KMT2B: variants seen among roughly 807,000 people sequenced by gnomAD.
The protein encoded by KMT2B is histone-lysine N-methyltransferase 2B.
A neutral mutation model predicts 255.3 loss-of-function variants in KMT2B; 22 were observed. The observed-to-expected ratio is 0.09, with a 90% CI of 0.06 to 0.12. KMT2B has a LOEUF of 0.12. Ranked by LOEUF, KMT2B falls within the 10% of genes least tolerant of loss-of-function variation. KMT2B has a pLI of 1.00. For synonymous variants in KMT2B, 1,730 were observed against 1,498.1 expected (o/e 1.15, Z -3.57); for missense variants, 3,149 against 3,737.0 (o/e 0.84, Z 4.10).
At chr19:35,736,873 C>T in intron 31 of KMT2B, 39 bp from the exon 32 acceptor site, 3 of 1,613,892 alleles carry the variant, frequency 1.9e-6, no homozygotes, top group Non-Finnish European at 2.5e-6. Context: ...GTCCATAAAA[C>T]ACCATCCTGA....
At position 35,733,269 on chromosome 19, in the gene KMT2B, C is replaced by T. The variant is rs923176238; in HGVS notation, c.6720C>T (p.Leu2240=). ...TSWTLPPGPL[L]GVLPVVGVVR... is the part of the protein sequence containing the mutation. ...GGACTCTGCCCCCAGGCCCCCTCCT[C>T]GGCGTGCTGCCCGTGGTCGGAGTGG... is the stretch of plus-strand genomic sequence containing the variant. The change falls in exon 28 of 37, where the codon CTC becomes CTT. Residue 2240 remains leucine (L), a synonymous_variant. Transcript: ENST00000420124. This position sits in a 1 kb window ranked among gnomAD's most constrained non-coding sequence, Gnocchi z 4.3. The T allele has an allele frequency of 2.3e-5, 34 of 1,477,190 alleles. No individual in the cohort carries two copies. The highest frequency in any genetic ancestry group is 2.0e-4 in the Middle Eastern group (1 of 5,120). 91.5% of individuals were successfully genotyped at this position (1,477,190 alleles called of 1,614,324 possible).
chr19:35,727,039 G>T lies in KMT2B; in HGVS notation c.4004-117G>T, dbSNP rs2146454397. 1 of 646,224 alleles carries T rather than the reference G, an allele frequency of 1.5e-6. No homozygotes were observed. The allele number at this position is 646,224 out of a possible 1,614,324, so 40.0% of individuals were successfully genotyped here. ...TCAAGGAGCTTTTAGGGACTAGTAG[G>T]GGCCCAAAACAGGGGCATAGTGGAG... On this transcript the variant is annotated intron_variant, in intron 14 of 36. Coordinates refer to ENST00000420124, the MANE Select transcript of KMT2B (RefSeq NM_014727.3). The surrounding 1 kb of genome is among the most constrained non-coding windows in gnomAD (Gnocchi z 4.2).
In KMT2B at chr19:35,727,449, G is replaced by C; in HGVS notation, c.4129G>C (p.Glu1377Gln). 1 of 1,613,228 alleles carries C rather than the reference G, an allele frequency of 6.2e-7. No individual in the cohort carries two copies. The highest frequency in any genetic ancestry group is 2.2e-5 in the East Asian group (1 of 44,866). The stretch of plus-strand genomic sequence containing the variant: ...CTTGGCTATCCTAGATGAAGACTAC[G>C]AGATCCTTTCAGGACTGCCAGACTC... Reference protein sequence around the residue: ...KCEGLSDEDYEILSGLPDSVL... With the variant: ...KCEGLSDEDYQILSGLPDSVL... The change falls in exon 16 of 37, where the codon GAG becomes CAG. Residue 1377 changes from glutamate (E) to glutamine (Q), a missense_variant. This residue lies in a region of KMT2B where 377 missense variants were observed against 471.0 expected (regional missense o/e 0.80). Transcript: ENST00000420124. This position sits in a 1 kb window ranked among gnomAD's most constrained non-coding sequence, Gnocchi z 4.2.
intron 30 of KMT2B, among the ~76,000 whole-genome samples, 194 bp downstream of exon 30, chr19:35,734,066 C>T (rs867658029): frequency 9.9e-5 from 15 of 152,106 alleles, no homozygotes; most frequent in African/African-American, 2.4e-4. Flanking sequence ...AATGACATTT[C>T]GCCTCTACGT....
At chr19:35,724,419 G>T (rs948264240) in intron 8 of KMT2B, among the ~76,000 whole-genome samples, 1 of 152,188 alleles carries the variant, frequency 6.6e-6, no homozygotes, top group Non-Finnish European at 1.5e-5. Context: ...GATCGTCTGA[G>T]CCTGGGAGTT....
At chr19:35,719,146 G>A (rs1969080958) in intron 1 of KMT2B, among the ~76,000 whole-genome samples, 1 of 152,130 alleles carries the variant, frequency 6.6e-6, no homozygotes, top group Non-Finnish European at 1.5e-5. Context: ...GGTCTGAATT[G>A]GACTCTGAAG....
intron 14 of KMT2B, 48 bp downstream of exon 14, chr19:35,726,401 G>A (rs762601466): frequency 1.6e-6 from 2 of 1,283,940 alleles, no homozygotes; most frequent in Non-Finnish European, 1.1e-6. Flanking sequence ...CAGGGGAATG[G>A]CCAGGCTCTT....
At chr19:35,736,189 T>A (rs1472085598) in intron 30 of KMT2B, 1 of 154,846 alleles carries the variant, frequency 6.5e-6, no homozygotes, top group Non-Finnish European at 1.4e-5. Flanking sequence ...AGGCACAGGT[T>A]GCAGTGAGCC....
intron 30 of KMT2B, among the ~76,000 whole-genome samples, chr19:35,734,380 G>C (rs231590): frequency 7.2e-5 from 11 of 152,170 alleles, no homozygotes; most frequent in Non-Finnish European, 1.5e-4. Context: ...AGGGTGGGGC[G>C]TTGTGTCCAA....
chr19:35,733,306 C>A lies in KMT2B; in HGVS notation c.6757C>A (p.Pro2253Thr). The A allele has an allele frequency of 7.0e-7, 1 of 1,422,632 alleles. No homozygotes were observed. Among genetic ancestry groups the A allele is most frequent in the African/African-American group, 1.4e-5 (1 of 70,294 alleles). The allele number at this position is 1,422,632 out of a possible 1,614,324, so 88.1% of individuals were successfully genotyped here. A position where few individuals can be genotyped will look rare whatever the true frequency, so the allele number is the denominator to read the frequency against. ...CGTGGTCGGAGTGGTCCGCCCTGCCCCGCCCCCGCCACCCCCTCCCCTGAC... is the reference window on the plus strand; with the variant it reads ...CGTGGTCGGAGTGGTCCGCCCTGCCACGCCCCCGCCACCCCCTCCCCTGAC... ...LPVVGVVRPA[P>T]PPPPPPLTLV... Residue 2253 changes from proline to threonine, a missense_variant, in exon 28 of 37, where the codon CCG becomes ACG. Transcript: ENST00000420124. This position sits in a 1 kb window ranked among gnomAD's most constrained non-coding sequence, Gnocchi z 4.3.
At position 35,733,512 on chromosome 19, in the gene KMT2B, A is replaced by AGTGCGGGTGC; in HGVS notation, c.6959+5_6959+14dup. 1 of 1,552,666 alleles carries AGTGCGGGTGC rather than the reference A, an allele frequency of 6.4e-7. No individual in the cohort carries two copies. Among genetic ancestry groups the AGTGCGGGTGC allele is most frequent in the Non-Finnish European group, 8.7e-7 (1 of 1,148,434 alleles). On this transcript the variant is annotated splice_donor_region_variant and intron_variant, in intron 28 of 36. Coordinates refer to ENST00000420124, the MANE Select transcript of KMT2B (RefSeq NM_014727.3). The surrounding 1 kb of genome is among the most constrained non-coding windows in gnomAD (Gnocchi z 4.3). ...TTCCAGGGCTTGGCAGTGGCGGGTG[A>AGTGCGGGTGC]GTGCGGGTGCTGAGGCTGGCAGAGC...
At chr19:35,729,881 A>G (rs1969623663) in intron 22 of KMT2B, 86 bp from the exon 23 acceptor site, 5 of 1,364,752 alleles carry the variant, frequency 3.7e-6, no homozygotes, top group Non-Finnish European at 4.0e-6. Context: ...CAGGCTAGAC[A>G]GGGACCCATG....
Position 35,718,440 on chromosome 19 carries a change from G to A in KMT2B, c.363+59G>A, listed in dbSNP as rs1435008969. 74 of 1,218,452 alleles carry A rather than the reference G, an allele frequency of 6.1e-5. No individual in the cohort carries two copies. The highest frequency in any genetic ancestry group is 7.1e-5 in the Non-Finnish European group (69 of 970,446). The allele number at this position is 1,218,452 out of a possible 1,614,324, so 75.5% of individuals were successfully genotyped here. ...GGGGCGGAGGCCGGGGCTTCCAGGG[G>A]TCTGGGTTGTCCCGGGGGCGGCGTG... On this transcript the variant is annotated intron_variant, in intron 1 of 36. Coordinates refer to ENST00000420124, the MANE Select transcript of KMT2B (RefSeq NM_014727.3). This position sits in a 1 kb window ranked among gnomAD's most constrained non-coding sequence, Gnocchi z 5.0.
rs200835025 is a variant in KMT2B, at chr19:35,720,216, G to A, written c.869G>A (p.Arg290His). The change falls in exon 3 of 37, where the codon CGT becomes CAT. Residue 290 changes from arginine to histidine, a missense_variant. This residue lies in a region of KMT2B where 1,188 missense variants were observed against 1,106.4 expected (regional missense o/e 1.07). Coordinates refer to ENST00000420124, the MANE Select transcript of KMT2B (RefSeq NM_014727.3). The part of the protein sequence containing the change: ...RRGGQSSRGG[R>H]GGRGRGRGGG... ...GGAGGACAGTCAAGCCGTGGAGGCC[G>A]TGGAGGCAGGGGCCGCGGCCGAGGT... 2.1e-4 allele frequency: 340 copies of A among 1,610,592 alleles called. 3 individuals carry two copies. In the East Asian group the frequency reaches 6.9e-3, roughly 33 times the overall value.
chr19:35,722,095 C>T (rs1969240701), intron 3 of KMT2B, among the ~76,000 whole-genome samples: 1 of 151,822 alleles, frequency 6.6e-6, no homozygotes, highest in Non-Finnish European at 1.5e-5. Context: ...GCCTTTGCCT[C>T]CCGGGTTCAA....
intron 22 of KMT2B, 52 bp downstream of exon 22, chr19:35,729,348 C>T (rs1215061471): frequency 3.9e-6 from 6 of 1,547,542 alleles, no homozygotes; most frequent in Non-Finnish European, 5.2e-6. Flanking sequence ...TTGGGGAGGC[C>T]TCCTCCGGTG....
In KMT2B at chr19:35,719,451, C is replaced by T. The variant is rs772084249; in HGVS notation, c.364-18C>T. On this transcript the variant is annotated intron_variant, in intron 1 of 36. Transcript: ENST00000420124. ...ACTGACTGCTGTTTCTCCCCTCCAC[C>T]CCGGTCCCCTAAATCAGGAGTTTCA... The T allele has an allele frequency of 6.4e-7, 1 of 1,564,354 alleles. No individual in the cohort carries two copies. Among genetic ancestry groups the T allele is most frequent in the Non-Finnish European group, 8.7e-7 (1 of 1,153,568 alleles).
chr19:35,730,267 CT>C, intron 23 of KMT2B, 74 bp from the exon 24 acceptor site: 1 of 1,602,734 alleles, frequency 6.2e-7, no homozygotes, highest in Non-Finnish European at 8.5e-7. Context: ...GGCCAAGCCC[CT>C]GACTGTTCAG....
rs1050438849 is a variant in KMT2B at position 35,730,198 on chromosome 19, C to T, written c.5076+73C>T. On this transcript the variant is annotated intron_variant, in intron 23 of 36. Coordinates refer to ENST00000420124, the MANE Select transcript of KMT2B (RefSeq NM_014727.3). ...TGTTCACTTAGGGACCCCCGTGGCC[C>T]CCAGGCCTGGCCCTACTGCCTCTCA... is the stretch of plus-strand genomic sequence containing the variant. The T allele has an allele frequency of 2.7e-5, 44 of 1,604,682 alleles. No individual in the cohort carries two copies. The East Asian group carries it at 3.6e-4, about 13-fold the overall frequency.
Sources: gnomAD v4.1 joint callset for allele counts (sites outside exome capture counted in the v4.1 genomes callset) on GRCh38, gnomAD v4.1.1 for gene constraint, gnomAD v4.1.1 regional missense constraint, Gnocchi (gnomAD v3.1) non-coding constraint, MANE v1.5 for transcripts, NCBI Gene and HGNC (gene_info 2026-07-23, HGNC 2026-07-21) for gene names.